The following PHEX variants were observed in gnomAD, a reference collection of about 807,000 sequenced individuals.
The protein encoded by PHEX is phosphate regulating endopeptidase X-linked, also known as phosphate-regulating neutral endopeptidase PHEX.
Under a neutral mutation model 68.0 loss-of-function variants are expected in PHEX, and 16 were observed. The observed-to-expected ratio is 0.24, with a 90% CI of 0.16 to 0.36. PHEX has a LOEUF of 0.36. Ranked by LOEUF, PHEX falls within the 10% of genes least tolerant of loss-of-function variation. The pLI is 1.00. For missense variants in PHEX, 480 were observed against 575.5 expected, an observed-to-expected ratio of 0.83 and a Z score of 1.70; for synonymous variants, 208 against 205.1, an observed-to-expected ratio of 1.01 and a Z score of -0.12.
intron 11 of PHEX, among the ~76,000 whole-genome samples, chrX:22,130,563 A>C (rs1931948548): frequency 1.8e-5 from 2 of 108,669 alleles, no homozygotes; most frequent in South Asian, 4.0e-4. Flanking sequence ...AAAAAAAAAA[A>C]AAAAAAAAAC....
At chrX:22,074,428 G>A (rs1198594833) in intron 3 of PHEX, among the ~76,000 whole-genome samples, 1 of 110,343 alleles carries the variant, frequency 9.1e-6, no homozygotes, top group Non-Finnish European at 1.9e-5. Flanking sequence ...TAGTGTTTTG[G>A]GATTGCCCTA....
At chrX:22,050,102 T>C (rs1169521751) in intron 3 of PHEX, among the ~76,000 whole-genome samples, 2 of 112,413 alleles carry the variant, frequency 1.8e-5, no homozygotes, top group Non-Finnish European at 3.8e-5. Context: ...CAATGGAAAC[T>C]GGATGGCCCA....
Position 22,178,003 on chromosome X carries a change from G to A in PHEX, c.1483-270G>A, listed in dbSNP as rs999994872. On this transcript the variant is annotated intron_variant, in intron 13 of 21. Transcript: ENST00000379374. Reference sequence around the variant, plus strand: ...TAGATTTTTCAATTAGAAAGTAAATGGAACGCATTGTAAATGACTGCAGCT... The same window carrying A: ...TAGATTTTTCAATTAGAAAGTAAATAGAACGCATTGTAAATGACTGCAGCT... 3.6e-5 allele frequency among the ~76,000 whole-genome samples: 4 copies of A among 112,219 alleles called. No individual in the cohort carries two copies. The Admixed American group carries it at 3.8e-4, about 11-fold the overall frequency.
At chrX:22,238,527 G>A (rs1338637717) in intron 20 of PHEX, among the ~76,000 whole-genome samples, 3 of 111,888 alleles carry the variant, frequency 2.7e-5, no homozygotes, top group Non-Finnish European at 5.6e-5. Context: ...GCTTGAAATT[G>A]TCACTGCTAG....
At chrX:22,071,219 T>C (rs996114088) in intron 3 of PHEX, among the ~76,000 whole-genome samples, 2 of 111,118 alleles carry the variant, frequency 1.8e-5, no homozygotes, top group Non-Finnish European at 3.8e-5. Context: ...TGGGAATGGA[T>C]GATAAAGCTG....
At chrX:22,066,175 T>C (rs1156512967) in intron 3 of PHEX, among the ~76,000 whole-genome samples, 1 of 111,762 alleles carries the variant, frequency 8.9e-6, no homozygotes, top group Admixed American at 9.5e-5. Flanking sequence ...GTAAATGTCA[T>C]GTTGAGGGAT....
At chrX:22,113,864 CT>C (rs1401838400) in intron 10 of PHEX, among the ~76,000 whole-genome samples, 2 of 104,316 alleles carry the variant, frequency 1.9e-5, no homozygotes, top group Non-Finnish European at 3.9e-5. Context: ...TGTCCAGATT[CT>C]TTGTTTAATG....
intron 15 of PHEX, among the ~76,000 whole-genome samples, chrX:22,197,924 A>G (rs1251261061): frequency 9.2e-6 from 1 of 109,110 alleles, no homozygotes; most frequent in Non-Finnish European, 1.9e-5. Flanking sequence ...CAGTTTAATT[A>G]TCTGTAAAAT....
chrX:22,223,348 T>C (rs1011353505), intron 18 of PHEX, among the ~76,000 whole-genome samples: 2 of 111,261 alleles, frequency 1.8e-5, no homozygotes, highest in African/African-American at 6.6e-5. Context: ...CTGTTGAGTC[T>C]TGGGAGTCCA....
At chrX:22,051,159 C>T in intron 3 of PHEX, among the ~76,000 whole-genome samples, 1 of 112,290 alleles carries the variant, frequency 8.9e-6, no homozygotes, top group African/African-American at 3.2e-5. Context: ...CATTAGGGTT[C>T]TTGCTTCATA....
chrX:22,166,568 C>T (rs932984108), intron 12 of PHEX, among the ~76,000 whole-genome samples: 10 of 110,480 alleles, frequency 9.1e-5, no homozygotes, highest in African/African-American at 3.3e-4. Flanking sequence ...TGTTTTGATA[C>T]ATGTATACAT....
At chrX:22,042,133 C>T (rs1451515839) in intron 2 of PHEX, among the ~76,000 whole-genome samples, 2 of 111,260 alleles carry the variant, frequency 1.8e-5, no homozygotes, top group East Asian at 2.8e-4. Context: ...CGTGCGTGGG[C>T]GTGCATGCTG....
At chrX:22,038,446 T>C in intron 1 of PHEX, 23 bp from the exon 2 acceptor site, 3 of 1,100,930 alleles carry the variant, frequency 2.7e-6, no homozygotes, top group Non-Finnish European at 3.8e-6. Flanking sequence ...AACTCAGCCA[T>C]TTATTGTGGT....
At chrX:22,179,935 G>T (rs1019421595) in intron 14 of PHEX, among the ~76,000 whole-genome samples, 18 of 106,773 alleles carry the variant, frequency 1.7e-4, no homozygotes, top group African/African-American at 5.4e-4. Context: ...AACATTTTTT[G>T]TTGTTGTTGC....
chrX:22,051,235 G>T (rs891856631), intron 3 of PHEX, among the ~76,000 whole-genome samples: 1 of 112,582 alleles, frequency 8.9e-6, no homozygotes, highest in Admixed American at 9.4e-5. Flanking sequence ...ACAAAAATAG[G>T]TAAAATATAA....
At chrX:22,063,600 G>A (rs1272811280) in intron 3 of PHEX, among the ~76,000 whole-genome samples, 2 of 112,118 alleles carry the variant, frequency 1.8e-5, no homozygotes, top group Admixed American at 1.9e-4. Context: ...GTCTCAGGAC[G>A]TTCACAAAGC....
At chrX:22,174,335 T>C in intron 13 of PHEX, among the ~76,000 whole-genome samples, 1 of 112,193 alleles carries the variant, frequency 8.9e-6, no homozygotes, top group Non-Finnish European at 1.9e-5. Flanking sequence ...CTTTAAAATA[T>C]TCATGCGAAT....
chrX:22,201,772 G>A (rs1362467032), intron 15 of PHEX, among the ~76,000 whole-genome samples: 1 of 111,452 alleles, frequency 9.0e-6, no homozygotes, highest in African/African-American at 3.3e-5. Context: ...CAGGTTGGCT[G>A]CAGGGCTGGT....
At chrX:22,218,026 A>T (rs576740108) in intron 16 of PHEX, among the ~76,000 whole-genome samples, 12 of 109,988 alleles carry the variant, frequency 1.1e-4, no homozygotes, top group African/African-American at 4.0e-4. Context: ...CTGGACTCAC[A>T]GACAGGTGAG....
Sources: gnomAD v4.1 joint callset for allele counts (sites outside exome capture counted in the v4.1 genomes callset) on GRCh38, gnomAD v4.1.1 for gene constraint, MANE v1.5 for transcripts, NCBI Gene and HGNC (gene_info 2026-07-23, HGNC 2026-07-21) for gene names.